The following MYLK3 variants were observed in gnomAD, a reference collection of about 807,000 sequenced individuals.
MYLK3 encodes the protein MLC kinase.
Under a neutral mutation model 76.3 loss-of-function variants are expected in MYLK3, and 55 were observed. The ratio of observed to expected loss-of-function variants is 0.72; its 90% CI spans 0.58 to 0.90. MYLK3 has a LOEUF of 0.90. Ranked by LOEUF, MYLK3 falls within the 40% of genes least tolerant of loss-of-function variation. The probability of loss-of-function intolerance (pLI) is 0.00; values close to 1 mark genes in which losing one functional copy is unlikely to be tolerated. For synonymous variants in MYLK3, 416 were observed against 425.4 expected, an observed-to-expected ratio of 0.98 and a Z score of 0.27; for missense variants, 973 against 1,053.6, an observed-to-expected ratio of 0.92 and a Z score of 1.06.
At chr16:46,726,729 G>GAAAGAAAGAAAGAAAGA (rs1966842970) in intron 8 of MYLK3, 4 of 131,282 alleles carry the variant, frequency 3.0e-5, no homozygotes, top group Admixed American at 8.0e-5. Flanking sequence ...AAGAAAGAAA[G>GAAAGAAAGAAAGAAAGA]AAAGAAAAGA....
intron 1 of MYLK3, among the ~76,000 whole-genome samples, chr16:46,755,589 T>G (rs953508367): frequency 6.6e-6 from 1 of 152,054 alleles, no homozygotes; most frequent in Non-Finnish European, 1.5e-5. Flanking sequence ...ATTAAACACA[T>G]GCAGCAAAAT....
chr16:46,726,723 A>AAGAGAGAG (rs1966842819), intron 8 of MYLK3: 1 of 148,458 alleles, frequency 6.7e-6, no homozygotes, highest in Non-Finnish European at 1.5e-5. Context: ...GAAAGAAAGA[A>AAGAGAGAG]AGAAAGAAAG....
At chr16:46,727,688 G>A (rs779872950) in intron 7 of MYLK3, among the ~76,000 whole-genome samples, 38 of 152,130 alleles carry the variant, frequency 2.5e-4, no homozygotes, top group Non-Finnish European at 3.2e-4. Context: ...CACCACACCC[G>A]GCTAATTTTT....
upstream of MYLK3, among the ~76,000 whole-genome samples, chr16:46,749,700 A>G (rs1967094598): frequency 1.3e-5 from 2 of 152,094 alleles, no homozygotes; most frequent in Non-Finnish European, 2.9e-5. Flanking sequence ...CTGCCACTAC[A>G]CTCCAGCCTG....
intron 7 of MYLK3, among the ~76,000 whole-genome samples, chr16:46,727,995 G>A (rs1361740823): frequency 6.6e-6 from 1 of 152,238 alleles, no homozygotes; most frequent in African/African-American, 2.4e-5. Context: ...TTCACCTATG[G>A]AGGCCAACTC....
At chr16:46,753,897 G>A (rs1465494203) in intron 1 of MYLK3, among the ~76,000 whole-genome samples, 1 of 152,154 alleles carries the variant, frequency 6.6e-6, no homozygotes, top group Non-Finnish European at 1.5e-5. Flanking sequence ...AGGGTGACAG[G>A]ACGAGACCCT....
chr16:46,711,426 C>T (rs942145434), intron 10 of MYLK3, among the ~76,000 whole-genome samples: 2 of 152,190 alleles, frequency 1.3e-5, no homozygotes, highest in African/African-American at 4.8e-5. Flanking sequence ...ACAGGGAGCA[C>T]AGGGGTTCAA....
At position 46,739,273 on chromosome 16, in the gene MYLK3, C is replaced by A. The variant is rs550586315; in HGVS notation, c.568+784G>T. Among the ~76,000 whole-genome samples the A allele has an allele frequency of 8.5e-5, 13 of 152,286 alleles. No homozygotes were observed. In the South Asian group the frequency reaches 2.7e-3, roughly 32 times the overall value. ...AATTGCTAGGATTACAGGAATGGAC[C>A]ATTGCACCTGGCCTCTAGACTTCTC... On this transcript the variant is annotated intron_variant, in intron 2 of 12. Transcript: ENST00000394809.
At position 46,738,065 on chromosome 16, in the gene MYLK3, G is replaced by A. The variant is rs1486237273; in HGVS notation, c.647C>T (p.Pro216Leu). ...PIRASGLGAD[P>L]AQAVVSPGQG... ...GCCCGGTGAGACCACTGCCTGGGCG[G>A]GGTCAGCTCCCAGCCCTGACGCTCT... The change falls in exon 3 of 13, where the codon CCC becomes CTC. Residue 216 changes from proline to leucine, a missense_variant. This residue lies in a region of MYLK3 where 641 missense variants were observed against 637.0 expected (regional missense o/e 1.01). Coordinates refer to ENST00000394809, the MANE Select transcript of MYLK3 (RefSeq NM_182493.3). The A allele has an allele frequency of 3.7e-6, 6 of 1,605,850 alleles. No homozygotes were observed. Among genetic ancestry groups the A allele is most frequent in the Non-Finnish European group, 5.1e-6 (6 of 1,177,214 alleles).
rs186399443 is a variant in MYLK3, at chr16:46,762,624, T to C, written c.-114+416A>G. ...CACACATGTCACGGGGAAGGAACAA[T>C]TATCCTCCTGTGTGCTTTGTTTTTA... On this transcript the variant is annotated intron_variant, in intron 1 of 11. Coordinates refer to the MYLK3 transcript ENST00000536476. 2.1e-3 allele frequency among the ~76,000 whole-genome samples: 322 copies of C among 152,320 alleles called. 1 individual carries two copies. The highest frequency in any genetic ancestry group is 7.3e-3 in the African/African-American group (303 of 41,568).
intron 8 of MYLK3, among the ~76,000 whole-genome samples, chr16:46,722,268 G>C (rs1416382165): frequency 6.6e-6 from 1 of 152,172 alleles, no homozygotes; most frequent in Non-Finnish European, 1.5e-5. Flanking sequence ...TCATTACCTG[G>C]TTCTGTAGCC....
Position 46,732,340 on chromosome 16 carries a change from C to T in MYLK3, c.1330G>A (p.Gly444Ser), listed in dbSNP as rs750622978. 1 of 1,613,158 alleles carries T rather than the reference C, an allele frequency of 6.2e-7. No individual in the cohort carries two copies. The highest frequency in any genetic ancestry group is 8.5e-7 in the Non-Finnish European group (1 of 1,180,030). Residue 444 changes from glycine to serine, a missense_variant, in exon 4 of 13, where the codon GGC (glycine) becomes AGC (serine). Physicochemically the swap from Gly to Ser is moderately conservative, Grantham distance 56. This residue lies in a region of MYLK3 where 641 missense variants were observed against 637.0 expected (regional missense o/e 1.01). Transcript: ENST00000394809. ...CCTGGGCTTTTGCCCTGCTGCAGGC[C>T]CAGGGCCCCAACCTCGTGGTCATTG... ...DDNDHEVGAL[G>S]LQQGKSPGAG...
rs572524637 is a variant in MYLK3 at position 46,730,058 on chromosome 16, C to G, written c.1569-371G>C. ...CACCCCAGGGAACATCCCCTCACCCCACACCACCCAGGCCATCCTGCACCC... is the reference window on the plus strand; with the variant it reads ...CACCCCAGGGAACATCCCCTCACCCGACACCACCCAGGCCATCCTGCACCC... On this transcript the variant is annotated intron_variant, in intron 5 of 12. Coordinates refer to ENST00000394809, the MANE Select transcript of MYLK3 (RefSeq NM_182493.3). 5 of 412,972 alleles carry G rather than the reference C, an allele frequency of 1.2e-5. No individual in the cohort carries two copies. In the East Asian group the frequency reaches 2.7e-4, roughly 22 times the overall value. 25.6% of individuals were successfully genotyped at this position (412,972 alleles called of 1,614,324 possible). A position where few individuals can be genotyped will look rare whatever the true frequency, so the allele number is the denominator to read the frequency against.
chr16:46,728,038 T>A (rs1046411193), intron 7 of MYLK3, among the ~76,000 whole-genome samples: 1 of 152,230 alleles, frequency 6.6e-6, no homozygotes, highest in Non-Finnish European at 1.5e-5. Flanking sequence ...AATGGGCCAA[T>A]AAGGCCATAC....
rs1419836086 is a variant in MYLK3, at chr16:46,738,095, G to T, written c.617C>A (p.Pro206His). The T allele has an allele frequency of 2.5e-6, 4 of 1,590,502 alleles. No individual in the cohort carries two copies. The highest frequency in any genetic ancestry group is 2.2e-5 in the East Asian group (1 of 44,460). ...VLEGTAERLP[P>H]IRASGLGADP... is the part of the protein sequence containing the mutation. The stretch of plus-strand genomic sequence containing the variant: ...AGCTCCCAGCCCTGACGCTCTGATG[G>T]GGGGCAGCCTCTCCGCTGTCCCCTC... Residue 206 changes from proline (P) to histidine (H), a missense_variant, in exon 3 of 13, where the codon CCC (proline) becomes CAC (histidine). By Grantham distance (77) the Pro-to-His change is moderately conservative (BLOSUM62 -2). This residue lies in a region of MYLK3 where 641 missense variants were observed against 637.0 expected (regional missense o/e 1.01). Transcript: ENST00000394809.
intron 1 of MYLK3, among the ~76,000 whole-genome samples, chr16:46,740,967 G>A (rs2143016289): frequency 6.6e-6 from 1 of 152,336 alleles, no homozygotes; most frequent in Middle Eastern, 3.4e-3. Context: ...ACAGTGCCAA[G>A]GTCAATTAGT....
chr16:46,748,641 C>A (rs1967072453), upstream of MYLK3, among the ~76,000 whole-genome samples: 1 of 152,148 alleles, frequency 6.6e-6, no homozygotes, highest in Non-Finnish European at 1.5e-5. This position sits in a 1 kb window ranked among gnomAD's most constrained non-coding sequence, Gnocchi z 4.3. Context: ...GGAGGAAGGT[C>A]CTTAGAGGCC....
chr16:46,739,053 C>T (rs1015274998), intron 2 of MYLK3, among the ~76,000 whole-genome samples: 5 of 152,164 alleles, frequency 3.3e-5, no homozygotes, highest in Non-Finnish European at 7.3e-5. Context: ...GTTGGCCAGG[C>T]TGGTCTCGAA....
intron 3 of MYLK3, among the ~76,000 whole-genome samples, chr16:46,733,697 T>G (rs1240860748): frequency 6.6e-6 from 1 of 151,988 alleles, no homozygotes; most frequent in Admixed American, 6.6e-5. Context: ...TCTGGCTGCC[T>G]CTTGGTGGGG....
Sources: gnomAD v4.1 joint callset for allele counts (sites outside exome capture counted in the v4.1 genomes callset) on GRCh38, gnomAD v4.1.1 for gene constraint, gnomAD v4.1.1 regional missense constraint, Gnocchi (gnomAD v3.1) non-coding constraint, MANE v1.5 for transcripts, NCBI Gene and HGNC (gene_info 2026-07-23, HGNC 2026-07-21) for gene names.